EPB41L4A: variants seen among roughly 807,000 people sequenced by gnomAD.
EPB41L4A encodes erythrocyte membrane protein band 4.1 like 4A.
Under a neutral mutation model 108.6 loss-of-function variants are expected in EPB41L4A, and 100 were observed. That is an observed-to-expected ratio of 0.92 (90% CI 0.78 to 1.09). EPB41L4A has a LOEUF of 1.09. Ranked by LOEUF, EPB41L4A falls within the 50% of genes least tolerant of loss-of-function variation. EPB41L4A has a pLI of 0.00. For missense variants in EPB41L4A, 1,030 were observed against 842.7 expected, an observed-to-expected ratio of 1.22 and a Z score of -2.75; for synonymous variants, 319 against 289.0, an observed-to-expected ratio of 1.10 and a Z score of -1.05.
rs1751837991 is a variant in EPB41L4A at position 112,266,146 on chromosome 5, AAG to A, written c.433+85_433+86del. 4.3e-6 allele frequency: 4 copies of A among 922,868 alleles called. No homozygotes were observed. In the South Asian group the frequency reaches 5.3e-5, roughly 12 times the overall value. The allele number at this position is 922,868 out of a possible 1,614,324, so 57.2% of individuals were successfully genotyped here. ...TTTTTTGCAAAATCTCATGGATAAG[AAG>A]AGTTTTAGTATGTAAACTCCCTTTT... is the stretch of plus-strand genomic sequence containing the variant. On this transcript the variant is annotated intron_variant, in intron 5 of 22. Transcript: ENST00000261486.
intron 1 of EPB41L4A, among the ~76,000 whole-genome samples, chr5:112,328,384 GAAAGATTATTACAAAT>G (rs2308044): frequency 0.25 from 37,455 of 151,782 alleles, 6,851 homozygotes; most frequent in African/African-American, 0.52. Flanking sequence ...CTTTCCCAAA[GAAAGATTATTACAAAT>G]AAAGATCTGT....
chr5:112,305,161 CG>C (rs1306380224), intron 2 of EPB41L4A, among the ~76,000 whole-genome samples: 6 of 152,138 alleles, frequency 3.9e-5, no homozygotes, highest in Non-Finnish European at 5.9e-5. Context: ...GCTGATTATG[CG>C]AACTTGGGAA....
At chr5:112,159,567 G>C (rs576235459), downstream of EPB41L4A, among the ~76,000 whole-genome samples, 1 of 152,272 alleles carries the variant, frequency 6.6e-6, no homozygotes, top group East Asian at 1.9e-4. Flanking sequence ...GCTCCTGCCT[G>C]GCTCTCCAGC....
At chr5:112,336,314 A>C (rs1043646550) in intron 1 of EPB41L4A, among the ~76,000 whole-genome samples, 29 of 152,172 alleles carry the variant, frequency 1.9e-4, no homozygotes, top group African/African-American at 5.8e-4. Flanking sequence ...AAAGCTTCAA[A>C]GTGGGCTGTT....
chr5:112,339,461 G>GATATATAAATATCTATATAT (rs1561584786), intron 1 of EPB41L4A, among the ~76,000 whole-genome samples: 1 of 121,182 alleles, frequency 8.3e-6, no homozygotes, highest in African/African-American at 3.2e-5. Flanking sequence ...TATAGCTATA[G>GATATATAAATATCTATATAT]ATATATATAT....
intron 18 of EPB41L4A, 138 bp from the exon 19 acceptor site, chr5:112,171,130 G>T: frequency 1.4e-6 from 1 of 722,152 alleles, no homozygotes; most frequent in Non-Finnish European, 2.3e-6. Flanking sequence ...GACAGGGAGA[G>T]CCATTGTGAT....
At chr5:112,384,793 AAAGG>A (rs35545935) in intron 1 of EPB41L4A, among the ~76,000 whole-genome samples, 32 of 151,680 alleles carry the variant, frequency 2.1e-4, no homozygotes, top group Admixed American at 2.0e-3. Context: ...GAGAAGAAAA[AAAGG>A]AAGGAAGTTA....
chr5:112,419,873 C>T, upstream of EPB41L4A: 4 of 456,778 alleles, frequency 8.8e-6, no homozygotes, highest in Non-Finnish European at 1.8e-5. Context: ...TCCGGGAATG[C>T]CTGCCGCGGC....
intron 1 of EPB41L4A, among the ~76,000 whole-genome samples, chr5:112,377,847 A>AG (rs1333130357): frequency 2.0e-5 from 3 of 152,032 alleles, no homozygotes; most frequent in African/African-American, 7.2e-5. Flanking sequence ...AATTGGGAAG[A>AG]GAAAAAAAAA....
In EPB41L4A at chr5:112,381,525, C is replaced by CATGT. The variant is rs144891421; in HGVS notation, c.99+37415_99+37416insACAT. Among the ~76,000 whole-genome samples, 360 of 152,358 alleles carry CATGT rather than the reference C, an allele frequency of 2.4e-3. 1 individual carries two copies. The highest frequency in any genetic ancestry group is 7.8e-3 in the African/African-American group (323 of 41,578). ...CTAACAGGTTCTTGATTGCAAGCTA[C>CATGT]AGAAAGCATGTCTAGCAAACATAAG... On this transcript the variant is annotated intron_variant, in intron 1 of 22. Coordinates refer to ENST00000261486, the MANE Select transcript of EPB41L4A (RefSeq NM_022140.5).
intron 1 of EPB41L4A, among the ~76,000 whole-genome samples, chr5:112,387,601 C>A (rs1760651779): frequency 6.6e-6 from 1 of 152,174 alleles, no homozygotes; most frequent in South Asian, 2.1e-4. Flanking sequence ...TGCACTCCAG[C>A]CTGGGAGACA....
At chr5:112,418,214 G>A (rs1272484111) in intron 1 of EPB41L4A, among the ~76,000 whole-genome samples, 2 of 152,216 alleles carry the variant, frequency 1.3e-5, no homozygotes, top group Admixed American at 1.3e-4. Context: ...ACGCAGGCGC[G>A]TCGGTCAGGT....
At chr5:112,360,254 C>A (rs570017858) in intron 1 of EPB41L4A, among the ~76,000 whole-genome samples, 2 of 152,256 alleles carry the variant, frequency 1.3e-5, no homozygotes, top group East Asian at 3.9e-4. Context: ...AAGACCCTGT[C>A]TCTACAAATA....
At chr5:112,232,876 A>G (rs529320552) in intron 12 of EPB41L4A, among the ~76,000 whole-genome samples, 2 of 152,178 alleles carry the variant, frequency 1.3e-5, no homozygotes, top group South Asian at 2.1e-4. Context: ...AAACAAGATA[A>G]TATCTGTGAA....
intron 2 of EPB41L4A, among the ~76,000 whole-genome samples, chr5:112,293,368 TTAATTTAG>T (rs780136251): frequency 0.2 from 30,789 of 151,902 alleles, 4,269 homozygotes; most frequent in African/African-American, 0.39. Context: ...CTCCCTCCTT[TTAATTTAG>T]TTTAATTTAG....
At chr5:112,367,500 C>T (rs765518605) in intron 1 of EPB41L4A, among the ~76,000 whole-genome samples, 4 of 152,164 alleles carry the variant, frequency 2.6e-5, no homozygotes, top group Admixed American at 1.3e-4. Flanking sequence ...ATCTCCTCTC[C>T]TTCCAGGTCT....
intron 1 of EPB41L4A, among the ~76,000 whole-genome samples, chr5:112,333,372 A>C (rs1756699692): frequency 6.6e-6 from 1 of 152,180 alleles, no homozygotes. Context: ...CCAGCCAATT[A>C]AGGAAATGCT....
In EPB41L4A at chr5:112,262,548, G is replaced by A. The variant is rs780262119; in HGVS notation, c.588C>T (p.Tyr196=). 6.8e-6 allele frequency: 11 copies of A among 1,614,112 alleles called. No individual in the cohort carries two copies. The South Asian group carries it at 8.8e-5, about 13-fold the overall frequency. Residue 196 remains tyrosine, a synonymous_variant, in exon 7 of 23, where the codon TAC becomes TAT. Transcript: ENST00000261486. ...GQIPSEAELN[Y]LRTAKSLEMY... is the part of the protein sequence containing the mutation. ...TCTCCAGGGATTTGGCAGTCCTCAA[G>A]TAATTCAGCTCAGCCTCAGAAGGAA...
intron 1 of EPB41L4A, among the ~76,000 whole-genome samples, chr5:112,364,450 G>T (rs558821094): frequency 1.3e-4 from 20 of 151,888 alleles, no homozygotes; most frequent in Non-Finnish European, 1.5e-5. Flanking sequence ...TTAATTTCTC[G>T]CCAGTAATAC....
Sources: gnomAD v4.1 joint callset for allele counts (sites outside exome capture counted in the v4.1 genomes callset) on GRCh38, gnomAD v4.1.1 for gene constraint, MANE v1.5 for transcripts, NCBI Gene and HGNC (gene_info 2026-07-23, HGNC 2026-07-21) for gene names.